The following NAV2 variants were observed in gnomAD, a reference collection of about 807,000 sequenced individuals.
The protein encoded by NAV2 is helicase, APC down-regulated 1.
In NAV2, 54 loss-of-function variants were observed where a neutral mutation model predicts 223.2. The observed-to-expected ratio is 0.24, with a 90% confidence interval of 0.19 to 0.30. The LOEUF is 0.30. NAV2 is among the 10% of genes least tolerant of loss of function. NAV2 has a pLI of 1.00. For missense variants in NAV2, 2,806 were observed against 3,147.5 expected (o/e 0.89, Z 2.60); for synonymous variants, 1,279 against 1,239.3 (o/e 1.03, Z -0.67).
rs990257543 is a variant in NAV2, at chr11:19,951,414, A to G, written c.2645+2334A>G. ...TTCTAGTTTTCCATAAACATGAAAA[A>G]CAATAGCATACACCTATTACAACTG... is the stretch of plus-strand genomic sequence containing the variant. On this transcript the variant is annotated intron_variant, in intron 10 of 37. Transcript: ENST00000349880. Among the ~76,000 whole-genome samples, 67 of 112,900 alleles carry G rather than the reference A, an allele frequency of 5.9e-4. 1 individual carries two copies. The highest frequency in any genetic ancestry group is 1.8e-3 in the African/African-American group (66 of 36,488). 74.1% of individuals were successfully genotyped at this position (112,900 alleles called of 152,430 possible).
intron 1 of NAV2, among the ~76,000 whole-genome samples, chr11:19,419,717 A>T (rs1212864008): frequency 2.6e-5 from 4 of 152,238 alleles, no homozygotes; most frequent in Non-Finnish European, 5.9e-5. Context: ...TGAAACTGGA[A>T]GGAACATCAG....
At chr11:19,725,245 G>A (rs2051139242) in intron 1 of NAV2, among the ~76,000 whole-genome samples, 1 of 152,228 alleles carries the variant, frequency 6.6e-6, no homozygotes, top group African/African-American at 2.4e-5. Context: ...CACACACCCA[G>A]TGAGTGGAGG....
At position 19,714,202 on chromosome 11, in the gene NAV2, T is replaced by A. The variant is rs771038926; in HGVS notation, c.267+240T>A. ...TTCGAGACCTGGGATGGCGGGCACG[T>A]CTGCAGCATCTTCCTGGGGAGGAGG... On this transcript the variant is annotated intron_variant, in intron 1 of 37. Coordinates refer to ENST00000349880, the MANE Select transcript of NAV2 (RefSeq NM_145117.5). The A allele has an allele frequency of 1.4e-5, 10 of 693,188 alleles. No individual in the cohort carries two copies. In the South Asian group the frequency reaches 1.5e-4, roughly 10 times the overall value. The allele number at this position is 693,188 out of a possible 1,614,324, so 42.9% of individuals were successfully genotyped here. A position where few individuals can be genotyped will look rare whatever the true frequency, so the allele number is the denominator to read the frequency against.
At chr11:19,743,846 G>A (rs2053083859) in intron 1 of NAV2, among the ~76,000 whole-genome samples, 1 of 151,732 alleles carries the variant, frequency 6.6e-6, no homozygotes. Context: ...AGCCTGGAGT[G>A]TCTACTTACC....
chr11:20,099,708 G>T (rs1402225797), intron 31 of NAV2, among the ~76,000 whole-genome samples: 1 of 152,186 alleles, frequency 6.6e-6, no homozygotes, highest in African/African-American at 2.4e-5. Context: ...GGGGAAGGGG[G>T]TTTGACTTTG....
intron 26 of NAV2, among the ~76,000 whole-genome samples, chr11:20,088,597 C>T (rs944349638): frequency 4.6e-5 from 7 of 152,338 alleles, no homozygotes; most frequent in African/African-American, 1.4e-4. Flanking sequence ...GTCCTCCCAA[C>T]ACAGACTTTC....
At chr11:19,592,852 T>C (rs938977158) in intron 1 of NAV2, among the ~76,000 whole-genome samples, 1 of 152,326 alleles carries the variant, frequency 6.6e-6, no homozygotes, top group Non-Finnish European at 1.5e-5. Context: ...TTAAAAATGT[T>C]GAAATAATGA....
At chr11:19,810,379 T>A (rs1029696989) in intron 1 of NAV2, among the ~76,000 whole-genome samples, 10 of 152,134 alleles carry the variant, frequency 6.6e-5, no homozygotes, top group African/African-American at 2.2e-4. Context: ...TCTCCAAGGA[T>A]CCCTGGTTCT....
At chr11:19,879,840 C>G (rs777342149) in intron 4 of NAV2, 29 bp from the exon 5 acceptor site, 1 of 1,613,680 alleles carries the variant, frequency 6.2e-7, no homozygotes, top group Non-Finnish European at 8.5e-7. Context: ...AGCTCCCCAT[C>G]TGACAAGAGT....
chr11:19,408,516 G>A (rs1414423735), intron 1 of NAV2, among the ~76,000 whole-genome samples: 1 of 152,204 alleles, frequency 6.6e-6, no homozygotes, highest in Non-Finnish European at 1.5e-5. Flanking sequence ...CCCCTTGGCA[G>A]TTCAGGTCCT....
intron 1 of NAV2, among the ~76,000 whole-genome samples, chr11:19,559,823 A>G (rs2045035552): frequency 6.6e-6 from 1 of 152,186 alleles, no homozygotes; most frequent in Non-Finnish European, 1.5e-5. Context: ...TCCCAGGGCC[A>G]GTCTGGTTTT....
At position 19,414,737 on chromosome 11, in the gene NAV2, AAGAC is replaced by A. The variant is rs1363217912; in HGVS notation, c.75+63713_75+63716del. ...AAATGCAAAAGAATGGAAATCATAA[AAGAC>A]AGTCTCTCAGATGACAGTGCGATCA... On this transcript the variant is annotated intron_variant, in intron 1 of 37. Coordinates refer to the NAV2 transcript ENST00000360655. Among the ~76,000 whole-genome samples the A allele has an allele frequency of 2.0e-5, 3 of 152,128 alleles. 1 individual carries two copies. Among genetic ancestry groups the A allele is most frequent in the Non-Finnish European group, 4.4e-5 (3 of 67,988 alleles).
chr11:19,826,460 T>C (rs1431127921), intron 1 of NAV2, among the ~76,000 whole-genome samples: 2 of 152,206 alleles, frequency 1.3e-5, no homozygotes, highest in African/African-American at 4.8e-5. Context: ...AATCTATCTT[T>C]GATGACTAAA....
At chr11:19,505,715 A>T (rs1039136948) in intron 1 of NAV2, 2 of 152,258 alleles carry the variant, frequency 1.3e-5, no homozygotes, top group Admixed American at 1.3e-4. Context: ...GCCAATTTTC[A>T]CATGCAGCCT....
intron 1 of NAV2, among the ~76,000 whole-genome samples, chr11:19,480,877 T>A (rs1172611050): frequency 6.6e-6 from 1 of 152,218 alleles, no homozygotes; most frequent in Non-Finnish European, 1.5e-5. Flanking sequence ...GTCTTTCTTT[T>A]CCCACTCACG....
In NAV2 at chr11:19,581,103, T is replaced by C. The variant is rs183100553; in HGVS notation, c.75+230076T>C. Among the ~76,000 whole-genome samples, 197 of 152,336 alleles carry C rather than the reference T, an allele frequency of 1.3e-3. 1 individual carries two copies. Among genetic ancestry groups the C allele is most frequent in the African/African-American group, 4.5e-3 (186 of 41,590 alleles). ...GTCTGTTCATGTCTTTTACCCAGTT[T>C]CCCATTGAATTGTTTGCTTTATCTT... On this transcript the variant is annotated intron_variant, in intron 1 of 37. Coordinates refer to the NAV2 transcript ENST00000360655.
chr11:19,666,161 G>A (rs545733601), intron 1 of NAV2, among the ~76,000 whole-genome samples: 8 of 152,294 alleles, frequency 5.3e-5, no homozygotes, highest in East Asian at 1.9e-4. Flanking sequence ...ATTTGAATCC[G>A]TTCTCTCTGA....
chr11:19,865,538 G>A (rs1466870019), intron 3 of NAV2, among the ~76,000 whole-genome samples: 1 of 152,098 alleles, frequency 6.6e-6, no homozygotes, highest in Admixed American at 6.5e-5. Context: ...AAAGAGCGTG[G>A]GTCTCGGCCG....
intron 1 of NAV2, among the ~76,000 whole-genome samples, chr11:19,466,233 A>C (rs1852345061): frequency 6.6e-6 from 1 of 152,140 alleles, no homozygotes; most frequent in Non-Finnish European, 1.5e-5. Flanking sequence ...TGGATATTTC[A>C]TTTGTCTGTA....
Sources: allele counts gnomAD v4.1 joint callset (sites outside exome capture counted in the v4.1 genomes callset), GRCh38; gene constraint gnomAD v4.1.1; transcripts MANE v1.5; gene names NCBI Gene and HGNC (gene_info 2026-07-23, HGNC 2026-07-21).